The following TMEM132C variants were observed in gnomAD, a reference collection of about 807,000 sequenced individuals.
TMEM132C encodes the protein protein phosphatase 1, regulatory subunit 152.
Under a neutral mutation model 61.4 loss-of-function variants are expected in TMEM132C, and 29 were observed. The observed-to-expected ratio is 0.47, with a 90% CI of 0.35 to 0.64. The LOEUF (loss-of-function observed/expected upper bound fraction) is 0.64, where lower values mean the gene tolerates loss of function less well. Ranked by LOEUF, TMEM132C falls within the 30% of genes least tolerant of loss-of-function variation. The pLI is 0.00. For synonymous variants in TMEM132C, 656 were observed against 633.1 expected (o/e 1.04, Z -0.54); for missense variants, 1,408 against 1,476.9 (o/e 0.95, Z 0.76).
At chr12:128,379,371 C>T (rs941823211) in intron 1 of TMEM132C, among the ~76,000 whole-genome samples, 11 of 152,214 alleles carry the variant, frequency 7.2e-5, no homozygotes, top group African/African-American at 2.7e-4. Context: ...AGGATTCTGC[C>T]TGGTTTGTCT....
rs1276526722 is a variant in TMEM132C at position 128,693,864 on chromosome 12, C to T, written c.1485C>T (p.Gly495=). The change falls in exon 6 of 9, where the codon GGC becomes GGT. Residue 495 remains glycine, a synonymous_variant. Transcript: ENST00000435159. ...SERCDYIFVN[G]KEIKGKMDAV... ...GCTGTGACTACATCTTTGTCAATGG[C>T]AAAGAGATCAAAGGAAAGATGGATG... is the stretch of plus-strand genomic sequence containing the variant. 1 of 1,551,614 alleles carries T rather than the reference C, an allele frequency of 6.4e-7. No homozygotes were observed. The highest frequency in any genetic ancestry group is 8.7e-7 in the Non-Finnish European group (1 of 1,147,018).
chr12:128,279,263 A>G (rs1032884045), intron 1 of TMEM132C, among the ~76,000 whole-genome samples: 3 of 152,152 alleles, frequency 2.0e-5, no homozygotes, highest in Admixed American at 6.5e-5. Flanking sequence ...TACTTCAGAG[A>G]CAGAATTGGT....
Position 128,342,256 on chromosome 12 carries a change from C to T in TMEM132C, c.86-72476C>T, listed in dbSNP as rs981620118. On this transcript the variant is annotated intron_variant, in intron 1 of 8. Transcript: ENST00000435159. ...ACTCCTGACCTCGTGATCTGCCCGC[C>T]TCTGCCTCCCAAAGTGCTGGGATTA... Among the ~76,000 whole-genome samples, 23 of 152,268 alleles carry T rather than the reference C, an allele frequency of 1.5e-4. 1 individual carries two copies. Among genetic ancestry groups the T allele is most frequent in the Middle Eastern group, 6.8e-3 (2 of 294 alleles).
Position 128,693,515 on chromosome 12 carries a change from TCA to T in TMEM132C, c.1450-313_1450-312del, listed in dbSNP as rs1411846549. Among the ~76,000 whole-genome samples, 3 of 152,288 alleles carry T rather than the reference TCA, an allele frequency of 2.0e-5. No homozygotes were observed. The East Asian group carries it at 5.8e-4, about 29-fold the overall frequency. On this transcript the variant is annotated intron_variant, in intron 5 of 8. Transcript: ENST00000435159. ...TAAAAATATTCCCTCCTCTTACTCCTCAAGTGGACAATTCTAGATACTTTTCA... is the reference window on the plus strand; with the variant it reads ...TAAAAATATTCCCTCCTCTTACTCCTAGTGGACAATTCTAGATACTTTTCA...
chr12:128,516,245 TGA>T (rs1872713521), intron 2 of TMEM132C, among the ~76,000 whole-genome samples: 1 of 147,552 alleles, frequency 6.8e-6, no homozygotes, highest in Admixed American at 6.6e-5. Context: ...CGAGACACAG[TGA>T]GAGTGCCCAT....
At chr12:128,328,221 A>G (rs1274157992) in intron 1 of TMEM132C, among the ~76,000 whole-genome samples, 1 of 152,166 alleles carries the variant, frequency 6.6e-6, no homozygotes, top group African/African-American at 2.4e-5. Flanking sequence ...AGCCCATCAA[A>G]CTTTAATATC....
At chr12:128,460,002 G>A (rs1398455770) in intron 2 of TMEM132C, among the ~76,000 whole-genome samples, 3 of 152,032 alleles carry the variant, frequency 2.0e-5, no homozygotes, top group African/African-American at 4.8e-5. Flanking sequence ...GTCCAGGGAG[G>A]GCAGAGTCTG....
At chr12:128,531,844 C>A (rs943854459) in intron 2 of TMEM132C, among the ~76,000 whole-genome samples, 4 of 152,168 alleles carry the variant, frequency 2.6e-5, no homozygotes, top group South Asian at 2.1e-4. Flanking sequence ...CCCCTCACCC[C>A]ACTGGCAGGT....
intron 2 of TMEM132C, among the ~76,000 whole-genome samples, chr12:128,533,080 G>A (rs922384265): frequency 6.6e-6 from 1 of 152,208 alleles, no homozygotes; most frequent in Non-Finnish European, 1.5e-5. Flanking sequence ...ATGCGTGTGT[G>A]CCATGCCTTT....
rs1322407006 is a variant in TMEM132C, at chr12:128,459,860, G to A, written c.974+44240G>A. 2.8e-5 allele frequency among the ~76,000 whole-genome samples: 4 copies of A among 144,690 alleles called. 1 individual carries two copies. Among genetic ancestry groups the A allele is most frequent in the South Asian group, 4.5e-4 (2 of 4,442 alleles). 94.9% of individuals were successfully genotyped at this position (144,690 alleles called of 152,430 possible). ...AGATTGTGCCACTGCACTCCAGCCCGGGCAACAGAGCAAGACTCTGTCTCA... is the reference window on the plus strand; with the variant it reads ...AGATTGTGCCACTGCACTCCAGCCCAGGCAACAGAGCAAGACTCTGTCTCA... On this transcript the variant is annotated intron_variant, in intron 2 of 8. Transcript: ENST00000435159.
chr12:128,690,876 TGCCTCTCCA>T (rs1954714586), intron 5 of TMEM132C, among the ~76,000 whole-genome samples: 1 of 152,200 alleles, frequency 6.6e-6, no homozygotes, highest in African/African-American at 2.4e-5. Flanking sequence ...CCTCACCAGC[TGCCTCTCCA>T]AACAGAAGTG....
chr12:128,383,669 A>T (rs1272982493), intron 1 of TMEM132C, among the ~76,000 whole-genome samples: 1 of 152,188 alleles, frequency 6.6e-6, no homozygotes, highest in Non-Finnish European at 1.5e-5. Context: ...TTTGTAGGGC[A>T]GGGGACCATC....
intron 1 of TMEM132C, among the ~76,000 whole-genome samples, chr12:128,390,256 G>A (rs1874720488): frequency 6.6e-6 from 1 of 152,188 alleles, no homozygotes; most frequent in Non-Finnish European, 1.5e-5. Flanking sequence ...TTATAGTTCT[G>A]GAGGCCAGAA....
intron 2 of TMEM132C, among the ~76,000 whole-genome samples, chr12:128,459,432 T>C (rs1593061208): frequency 6.6e-6 from 1 of 152,246 alleles, no homozygotes; most frequent in East Asian, 1.9e-4. Flanking sequence ...AAGTGGGCTC[T>C]TTAGGATTTG....
chr12:128,681,655 T>A (rs1237734486), intron 5 of TMEM132C, among the ~76,000 whole-genome samples: 2 of 4,442 alleles, frequency 4.5e-4, no homozygotes, highest in Non-Finnish European at 1.2e-3. Flanking sequence ...AGACTGTATC[T>A]TTTTTTTTTT....
Position 128,464,774 on chromosome 12 carries a change from A to AAGAGAGAAAGAGAGAAAGAG in TMEM132C, c.974+49157_974+49158insGAGAAAGAGAGAAAGAGAGA, listed in dbSNP as rs1565943820. 3.5e-5 allele frequency among the ~76,000 whole-genome samples: 5 copies of AAGAGAGAAAGAGAGAAAGAG among 143,728 alleles called. 1 individual carries two copies. Among genetic ancestry groups the AAGAGAGAAAGAGAGAAAGAG allele is most frequent in the African/African-American group, 1.4e-4 (5 of 36,826 alleles). 94.3% of individuals were successfully genotyped at this position (143,728 alleles called of 152,430 possible). On this transcript the variant is annotated intron_variant, in intron 2 of 8. Coordinates refer to ENST00000435159, the MANE Select transcript of TMEM132C (RefSeq NM_001136103.3). ...AGAAAGACCCTGTCAGAAAGAAAGAAAGAAAGAAAGAGAGAAAGAGAGGGA... is the reference window on the plus strand; with the variant it reads ...AGAAAGACCCTGTCAGAAAGAAAGAAAGAGAGAAAGAGAGAAAGAGAGAAAGAAAGAGAGAAAGAGAGGGA...
In TMEM132C at chr12:128,630,756, C is replaced by T. The variant is rs1418658368; in HGVS notation, c.1305+14421C>T. Among the ~76,000 whole-genome samples, 6 of 152,170 alleles carry T rather than the reference C, an allele frequency of 3.9e-5. No homozygotes were observed. Among genetic ancestry groups the T allele is most frequent in the South Asian group, 2.1e-4 (1 of 4,828 alleles). On this transcript the variant is annotated intron_variant, in intron 4 of 8. Transcript: ENST00000435159. The surrounding 1 kb of genome is among the most constrained non-coding windows in gnomAD (Gnocchi z 4.3). ...AAGTGAGTTATAATAATGTGTGGGC[C>T]GGGCACGGTGGCTCACGCCTGTAAT...
rs374865648 is a variant in TMEM132C, at chr12:128,699,022, G to C, written c.2121+1607G>C. ...AGTCTAGGGGCTTGTGTTCTTCTAG[G>C]GGGGATTGGAACGTTCCAGCCATAG... On this transcript the variant is annotated intron_variant, in intron 8 of 8. Coordinates refer to ENST00000435159, the MANE Select transcript of TMEM132C (RefSeq NM_001136103.3). 3.3e-5 allele frequency among the ~76,000 whole-genome samples: 5 copies of C among 152,264 alleles called. No homozygotes were observed. In the East Asian group the frequency reaches 7.7e-4, roughly 24 times the overall value.
chr12:128,521,515 G>C (rs952742604), intron 2 of TMEM132C, among the ~76,000 whole-genome samples: 2 of 124,534 alleles, frequency 1.6e-5, no homozygotes, highest in African/African-American at 6.1e-5. Flanking sequence ...AAGTGTTTTT[G>C]AATGTCTTTG....
Sources: allele counts gnomAD v4.1 joint callset (sites outside exome capture counted in the v4.1 genomes callset), GRCh38; gene constraint gnomAD v4.1.1; non-coding constraint Gnocchi (gnomAD v3.1); transcripts MANE v1.5; gene names NCBI Gene and HGNC (gene_info 2026-07-23, HGNC 2026-07-21).